EHBP1: variants seen among roughly 807,000 people sequenced by gnomAD.
The protein encoded by EHBP1 is EH domain binding protein 1, also known as EH domain-binding protein 1.
In EHBP1, 55 loss-of-function variants were observed where a neutral mutation model predicts 144.0. The observed-to-expected ratio is 0.38, with a 90% CI of 0.31 to 0.48. EHBP1 has a LOEUF of 0.48. EHBP1 is among the 20% of genes least tolerant of loss of function. The pLI is 0.98. For missense variants in EHBP1, 1,200 were observed against 1,364.2 expected, an observed-to-expected ratio of 0.88 and a Z score of 1.90; for synonymous variants, 469 against 472.7, an observed-to-expected ratio of 0.99 and a Z score of 0.10.
intron 3 of EHBP1, among the ~76,000 whole-genome samples, chr2:62,758,981 A>T (rs558663497): frequency 6.6e-6 from 1 of 152,350 alleles, no homozygotes; most frequent in Non-Finnish European, 1.5e-5. Context: ...TTTTACAGGA[A>T]TCAGAAATAA....
chr2:62,806,034 C>T (rs1024558081), intron 5 of EHBP1, among the ~76,000 whole-genome samples: 2 of 151,570 alleles, frequency 1.3e-5, no homozygotes, highest in Non-Finnish European at 2.9e-5. Flanking sequence ...GGCTGGAGTG[C>T]AGTGGTGCAA....
intron 8 of EHBP1, among the ~76,000 whole-genome samples, chr2:62,863,702 T>C (rs949842369): frequency 3.9e-5 from 6 of 152,074 alleles, no homozygotes; most frequent in African/African-American, 1.4e-4. Context: ...TGAGTATATA[T>C]ACGACACAGG....
At chr2:62,733,862 A>G (rs1448692766) in intron 2 of EHBP1, among the ~76,000 whole-genome samples, 3 of 152,162 alleles carry the variant, frequency 2.0e-5, no homozygotes, top group Admixed American at 6.5e-5. Context: ...GTCAATTACA[A>G]TTTAGGCTTT....
intron 10 of EHBP1, among the ~76,000 whole-genome samples, chr2:62,918,321 G>A (rs1256755101): frequency 6.6e-6 from 1 of 152,110 alleles, no homozygotes; most frequent in African/African-American, 2.4e-5. Flanking sequence ...CGGGCTGCTG[G>A]TCCAAATGAG....
At chr2:62,962,907 A>C (rs1161219832) in intron 14 of EHBP1, among the ~76,000 whole-genome samples, 1 of 152,340 alleles carries the variant, frequency 6.6e-6, no homozygotes, top group Non-Finnish European at 1.5e-5. Context: ...TTTTCTCCTA[A>C]CATTTAATCT....
At chr2:62,804,890 C>A (rs1055697753) in intron 5 of EHBP1, among the ~76,000 whole-genome samples, 1 of 152,110 alleles carries the variant, frequency 6.6e-6, no homozygotes, top group East Asian at 1.9e-4. Context: ...GTTGCACGCT[C>A]CTTATGAGAA....
At chr2:62,749,621 A>G (rs574533815) in intron 3 of EHBP1, among the ~76,000 whole-genome samples, 13 of 152,262 alleles carry the variant, frequency 8.5e-5, no homozygotes, top group South Asian at 4.1e-4. Context: ...AAGTGTTCCT[A>G]TTTCTCCACA....
At chr2:62,725,912 T>C (rs2036739029) in intron 2 of EHBP1, among the ~76,000 whole-genome samples, 1 of 152,100 alleles carries the variant, frequency 6.6e-6, no homozygotes, top group Non-Finnish European at 1.5e-5. Flanking sequence ...AGTCAAGCAC[T>C]GTTGCTAGCA....
intron 18 of EHBP1, among the ~76,000 whole-genome samples, 199 bp from the exon 19 acceptor site, chr2:62,996,444 A>ATC (rs1173573332): frequency 1.1e-4 from 16 of 152,182 alleles, no homozygotes; most frequent in African/African-American, 3.6e-4. Context: ...ACAGCTGAAG[A>ATC]TCTCTCTATT....
intron 10 of EHBP1, among the ~76,000 whole-genome samples, chr2:62,899,712 C>T (rs905768419): frequency 6.6e-6 from 1 of 152,214 alleles, no homozygotes; most frequent in Non-Finnish European, 1.5e-5. Flanking sequence ...TCATGAAAAT[C>T]TTTGACATAG....
At chr2:62,703,474 TA>T (rs2034338277), upstream of EHBP1, among the ~76,000 whole-genome samples, 1 of 152,326 alleles carries the variant, frequency 6.6e-6, no homozygotes, top group African/African-American at 2.4e-5. Flanking sequence ...TAAAATGTTA[TA>T]GGGGGAAGAA....
chr2:62,710,450 C>T (rs2035041376), intron 2 of EHBP1, among the ~76,000 whole-genome samples: 1 of 151,350 alleles, frequency 6.6e-6, no homozygotes, highest in African/African-American at 2.4e-5. Flanking sequence ...CCCAAAAAGT[C>T]ATGTATTTAT....
intron 19 of EHBP1, among the ~76,000 whole-genome samples, chr2:62,997,278 T>A (rs755305075): frequency 9.2e-5 from 14 of 152,068 alleles, no homozygotes; most frequent in Non-Finnish European, 1.9e-4. Flanking sequence ...ACAGTTGCAT[T>A]TGAAAGGATT....
In EHBP1 at chr2:62,964,178, C is replaced by T. The variant is rs2058128229; in HGVS notation, c.2460+8518C>T. ...TCTTCAAAGTCAAACAAAATACCAG[C>T]ATTGTTGTGGAGGAAAAAAAAACCT... is the stretch of plus-strand genomic sequence containing the variant. On this transcript the variant is annotated intron_variant, in intron 14 of 22. Coordinates refer to ENST00000431489, the MANE Select transcript of EHBP1 (RefSeq NM_001142616.3). 2.0e-5 allele frequency among the ~76,000 whole-genome samples: 3 copies of T among 152,168 alleles called. No homozygotes were observed. In the South Asian group the frequency reaches 6.2e-4, roughly 32 times the overall value.
At chr2:62,978,951 A>AT (rs1226854281) in intron 14 of EHBP1, among the ~76,000 whole-genome samples, 1 of 152,172 alleles carries the variant, frequency 6.6e-6, no homozygotes, top group Non-Finnish European at 1.5e-5. Flanking sequence ...ATTACCAAAC[A>AT]TTCTTTAACT....
intron 2 of EHBP1, among the ~76,000 whole-genome samples, chr2:62,727,243 A>C (rs574068217): frequency 1.3e-5 from 2 of 151,080 alleles, no homozygotes; most frequent in South Asian, 4.2e-4. Context: ...TGTTCCACCC[A>C]ACTCCTGAAT....
chr2:62,913,047 GGCAAA>G (rs2054346005), intron 10 of EHBP1, among the ~76,000 whole-genome samples: 1 of 152,068 alleles, frequency 6.6e-6, no homozygotes, highest in Admixed American at 6.6e-5. Context: ...TACTTCAAAT[GGCAAA>G]CGATGTCTGC....
At chr2:62,955,465 G>A in intron 13 of EHBP1, 52 bp from the exon 14 acceptor site, 1 of 1,551,946 alleles carries the variant, frequency 6.4e-7, no homozygotes, top group South Asian at 1.2e-5. Context: ...GTTTACAAAT[G>A]TAGATTACCC....
At chr2:62,799,771 G>A (rs2043838001) in intron 5 of EHBP1, among the ~76,000 whole-genome samples, 1 of 152,224 alleles carries the variant, frequency 6.6e-6, no homozygotes, top group Admixed American at 6.5e-5. Flanking sequence ...CAGTACAAAA[G>A]CAAGTATGGC....
Sources: allele counts gnomAD v4.1 joint callset (sites outside exome capture counted in the v4.1 genomes callset), GRCh38; gene constraint gnomAD v4.1.1; transcripts MANE v1.5; gene names NCBI Gene and HGNC (gene_info 2026-07-23, HGNC 2026-07-21).